The following C10orf67 variants were observed in gnomAD, a reference collection of about 807,000 sequenced individuals.
C10orf67 encodes uncharacterized protein C10orf67, mitochondrial.
In C10orf67, 60 loss-of-function variants were observed where a neutral mutation model predicts 35.6. The ratio of observed to expected loss-of-function variants is 1.68; its 90% CI spans 1.37 to 2.09. The LOEUF (loss-of-function observed/expected upper bound fraction) is 2.09, where lower values mean the gene tolerates loss of function less well. Ranked by LOEUF, C10orf67 falls within the 30% of genes most tolerant of loss-of-function variation. The pLI is 0.00. For synonymous variants in C10orf67, 167 were observed against 115.8 expected, an observed-to-expected ratio of 1.44 and a Z score of -2.84; for missense variants, 474 against 330.2, an observed-to-expected ratio of 1.44 and a Z score of -3.38.
intron 8 of C10orf67, among the ~76,000 whole-genome samples, chr10:23,281,228 G>C (rs1418327885): frequency 6.6e-6 from 1 of 152,184 alleles, no homozygotes; most frequent in African/African-American, 2.4e-5. Flanking sequence ...ACAGGGTGCT[G>C]AGAGTAACAA....
chr10:23,313,316 A>G (rs752213211), intron 4 of C10orf67, among the ~76,000 whole-genome samples: 2 of 152,234 alleles, frequency 1.3e-5, no homozygotes, highest in Non-Finnish European at 2.9e-5. Flanking sequence ...GATGAAATGA[A>G]TCAAAACGTG....
At position 23,338,259 on chromosome 10, in the gene C10orf67, C is replaced by T. The variant is rs181358978; in HGVS notation, c.207-5077G>A. Among the ~76,000 whole-genome samples, 6 of 152,276 alleles carry T rather than the reference C, an allele frequency of 3.9e-5. No homozygotes were observed. In the East Asian group the frequency reaches 7.7e-4, roughly 20 times the overall value. On this transcript the variant is annotated intron_variant, in intron 1 of 15. Transcript: ENST00000636213. The stretch of plus-strand genomic sequence containing the variant: ...CCACCCCTGCTTGCTTGATGGCCCT[C>T]GAACAAAATGGCCATGGTGTCAGGA...
intron 4 of C10orf67, among the ~76,000 whole-genome samples, chr10:23,316,556 G>A (rs1333852813): frequency 6.6e-6 from 1 of 152,260 alleles, no homozygotes; most frequent in Non-Finnish European, 1.5e-5. Context: ...CCCACACGCA[G>A]GAAGAATGAG....
intron 7 of C10orf67, among the ~76,000 whole-genome samples, chr10:23,282,967 G>C (rs560522828): frequency 6.6e-6 from 1 of 151,778 alleles, no homozygotes; most frequent in African/African-American, 2.4e-5. Context: ...AAAAAAAAAC[G>C]GCTAGGAAGA....
At chr10:23,299,565 A>G (rs1199856177) in intron 5 of C10orf67, among the ~76,000 whole-genome samples, 2 of 152,170 alleles carry the variant, frequency 1.3e-5, no homozygotes, top group Non-Finnish European at 2.9e-5. Context: ...AAGCATGTGA[A>G]AAGAGTAAAG....
chr10:23,275,655 T>C (rs918562769), intron 8 of C10orf67, among the ~76,000 whole-genome samples: 1 of 152,070 alleles, frequency 6.6e-6, no homozygotes, highest in Non-Finnish European at 1.5e-5. Flanking sequence ...GTGACTTCTG[T>C]TTAGTGCAGA....
intron 15 of C10orf67, among the ~76,000 whole-genome samples, chr10:23,219,297 G>A (rs897626656): frequency 6.6e-6 from 1 of 152,156 alleles, no homozygotes; most frequent in East Asian, 1.9e-4. Context: ...TTCCTGACAA[G>A]CCACTTAAAG....
Position 23,203,929 on chromosome 10 carries a change from G to C in C10orf67, c.*244C>G, listed in dbSNP as rs568630979. On this transcript the variant is annotated 3_prime_UTR_variant, in exon 16 of 16. Coordinates refer to ENST00000636213, the MANE Select transcript of C10orf67 (RefSeq NM_001371909.1). ...TGGATGTGGTTGCCCCGGAGGTTCA[G>C]TGCGCCCCGCTCACCCAGCACCAGC... 2.4e-5 allele frequency: 8 copies of C among 333,668 alleles called. No individual in the cohort carries two copies. Among genetic ancestry groups the C allele is most frequent in the Middle Eastern group, 7.9e-4 (1 of 1,270 alleles). The allele number at this position is 333,668 out of a possible 1,614,324, so 20.7% of individuals were successfully genotyped here. A position where few individuals can be genotyped will look rare whatever the true frequency, so the allele number is the denominator to read the frequency against.
At chr10:23,338,704 T>C (rs536084790) in intron 1 of C10orf67, among the ~76,000 whole-genome samples, 1 of 152,204 alleles carries the variant, frequency 6.6e-6, no homozygotes, top group South Asian at 2.1e-4. Context: ...ATAGGTTAAA[T>C]AGCTTACTGA....
At chr10:23,271,284 A>G (rs115366813) in intron 8 of C10orf67, among the ~76,000 whole-genome samples, 1 of 152,356 alleles carries the variant, frequency 6.6e-6, no homozygotes, top group African/African-American at 2.4e-5. Flanking sequence ...ATGCTCTTAG[A>G]GTCCTACAAA....
At chr10:23,212,364 T>C (rs1841331480) in intron 15 of C10orf67, among the ~76,000 whole-genome samples, 1 of 152,148 alleles carries the variant, frequency 6.6e-6, no homozygotes, top group South Asian at 2.1e-4. Context: ...AGCAAAGGAA[T>C]ACATAGCCCA....
Position 23,269,493 on chromosome 10 carries a change from A to G in C10orf67, c.976-2239T>C, listed in dbSNP as rs549129489. Among the ~76,000 whole-genome samples the G allele has an allele frequency of 2.6e-4, 40 of 152,308 alleles. No homozygotes were observed. In the South Asian group the frequency reaches 2.9e-3, roughly 11 times the overall value. On this transcript the variant is annotated intron_variant, in intron 8 of 15. Coordinates refer to ENST00000636213, the MANE Select transcript of C10orf67 (RefSeq NM_001371909.1). Reference sequence around the variant, plus strand: ...GAGGAATGACAACAACAAAACCAAGAGAAGACATATAGAAAATAAATAACG... The same window carrying G: ...GAGGAATGACAACAACAAAACCAAGGGAAGACATATAGAAAATAAATAACG...
At chr10:23,341,809 C>A (rs370997162) in intron 1 of C10orf67, among the ~76,000 whole-genome samples, 5 of 152,178 alleles carry the variant, frequency 3.3e-5, no homozygotes, top group Admixed American at 1.3e-4. Flanking sequence ...GGGCTCCCCC[C>A]TCAAGCCTGC....
At chr10:23,217,918 C>T (rs1841474726) in intron 15 of C10orf67, among the ~76,000 whole-genome samples, 1 of 152,140 alleles carries the variant, frequency 6.6e-6, no homozygotes, top group Non-Finnish European at 1.5e-5. Context: ...CTATTTATTT[C>T]AAAGATTAAC....
At chr10:23,286,117 T>G (rs533042955) in intron 7 of C10orf67, among the ~76,000 whole-genome samples, 2 of 151,890 alleles carry the variant, frequency 1.3e-5, no homozygotes, top group South Asian at 4.2e-4. Context: ...CCAGGCCCAG[T>G]GCAGTGACTC....
chr10:23,286,941 A>C (rs1483170032), intron 7 of C10orf67, among the ~76,000 whole-genome samples: 1 of 152,136 alleles, frequency 6.6e-6, no homozygotes. Context: ...GTTTTATCTA[A>C]AATCTGAGAA....
chr10:23,264,249 G>T (rs773147063), intron 10 of C10orf67, among the ~76,000 whole-genome samples: 41 of 152,118 alleles, frequency 2.7e-4, no homozygotes, highest in Non-Finnish European at 4.6e-4. Context: ...AGAAGGGAGC[G>T]CTTAGAACAA....
At chr10:23,276,035 G>A (rs72802184) in intron 8 of C10orf67, among the ~76,000 whole-genome samples, 57 of 152,134 alleles carry the variant, frequency 3.7e-4, no homozygotes, top group African/African-American at 1.2e-3. Flanking sequence ...AAGCTTCCAC[G>A]TTTCTTCCCA....
chr10:23,215,958 T>C (rs1171050027), intron 15 of C10orf67, among the ~76,000 whole-genome samples: 2 of 152,176 alleles, frequency 1.3e-5, no homozygotes, highest in Non-Finnish European at 2.9e-5. Flanking sequence ...AGTGACTTGA[T>C]TGAAGAATAG....
Sources: gnomAD v4.1 joint callset for allele counts (sites outside exome capture counted in the v4.1 genomes callset) on GRCh38, gnomAD v4.1.1 for gene constraint, MANE v1.5 for transcripts, NCBI Gene and HGNC (gene_info 2026-07-23, HGNC 2026-07-21) for gene names.